The following RHBDL2 variants were observed in gnomAD, a reference collection of about 807,000 sequenced individuals.
RHBDL2 encodes rhomboid-related protein 2.
In RHBDL2, 26 loss-of-function variants were observed where a neutral mutation model predicts 31.7. The ratio of observed to expected loss-of-function variants is 0.82; its 90% confidence interval spans 0.60 to 1.14. The LOEUF is 1.14. Ranked by LOEUF, RHBDL2 falls within the 50% of genes most tolerant of loss-of-function variation. The probability of loss-of-function intolerance (pLI) is 0.00; values close to 1 mark genes in which losing one functional copy is unlikely to be tolerated. For missense variants in RHBDL2, 336 were observed against 364.4 expected (o/e 0.92, Z 0.63); for synonymous variants, 123 against 127.2 (o/e 0.97, Z 0.22).
At chr1:38,935,650 T>C (rs1019479151) in intron 1 of RHBDL2, among the ~76,000 whole-genome samples, 2 of 152,210 alleles carry the variant, frequency 1.3e-5, no homozygotes, top group Admixed American at 1.3e-4. Flanking sequence ...TCTCACTCTG[T>C]TACCCAGGCT....
chr1:38,936,190 A>G (rs1443303363), intron 1 of RHBDL2, among the ~76,000 whole-genome samples: 1 of 152,192 alleles, frequency 6.6e-6, no homozygotes, highest in African/African-American at 2.4e-5. Flanking sequence ...GGAATGAGCC[A>G]CTGTGCCCAG....
At chr1:38,930,839 G>A (rs1433075755) in intron 1 of RHBDL2, among the ~76,000 whole-genome samples, 3 of 152,176 alleles carry the variant, frequency 2.0e-5, no homozygotes, top group Non-Finnish European at 4.4e-5. Context: ...GCTTCGTGTA[G>A]AATTTTTTTT....
chr1:38,910,753 C>CTTTTTTT (rs765064879), intron 4 of RHBDL2, among the ~76,000 whole-genome samples: 288 of 110,730 alleles, frequency 2.6e-3, no homozygotes, highest in African/African-American at 6.1e-3. Flanking sequence ...TATTCCTTTT[C>CTTTTTTT]TTTTTTTTTT....
intron 1 of RHBDL2, among the ~76,000 whole-genome samples, chr1:38,924,517 C>T (rs1488383732): frequency 6.6e-6 from 1 of 151,950 alleles, no homozygotes; most frequent in Non-Finnish European, 1.5e-5. Flanking sequence ...TAGCATGAAC[C>T]CAGGAGGCGG....
At chr1:38,937,352 A>T (rs1434614054) in intron 1 of RHBDL2, among the ~76,000 whole-genome samples, 1 of 152,170 alleles carries the variant, frequency 6.6e-6, no homozygotes, top group Non-Finnish European at 1.5e-5. Flanking sequence ...ATCTCTCAGG[A>T]ACACAGCATT....
At chr1:38,917,066 G>A (rs1187481811) in intron 2 of RHBDL2, among the ~76,000 whole-genome samples, 1 of 136,084 alleles carries the variant, frequency 7.3e-6, no homozygotes, top group Non-Finnish European at 1.5e-5. Context: ...AGCCCAGGCT[G>A]GAGTGCAGTG....
chr1:38,902,330 C>T (rs1168511408), intron 4 of RHBDL2, among the ~76,000 whole-genome samples: 2 of 149,662 alleles, frequency 1.3e-5, no homozygotes, highest in South Asian at 2.1e-4. Context: ...CTCAGCCTCC[C>T]GAATAGCTGG....
intron 1 of RHBDL2, chr1:38,929,371 G>A (rs1247172185): frequency 2.3e-6 from 3 of 1,282,100 alleles, no homozygotes; most frequent in African/African-American, 1.5e-5. Context: ...TCTTTGAGAA[G>A]CCAGAGGACT....
At chr1:38,905,325 A>G (rs1374060664) in intron 4 of RHBDL2, among the ~76,000 whole-genome samples, 5 of 152,108 alleles carry the variant, frequency 3.3e-5, no homozygotes, top group African/African-American at 1.2e-4. Flanking sequence ...TTGGCCTCCC[A>G]TAGTGCTGGG....
intron 1 of RHBDL2, among the ~76,000 whole-genome samples, chr1:38,933,923 T>C (rs1643464537): frequency 6.6e-6 from 1 of 152,068 alleles, no homozygotes; most frequent in Non-Finnish European, 1.5e-5. Flanking sequence ...GAGATGGGCT[T>C]TCACTTGTAG....
chr1:38,912,341 T>C (rs917802403), intron 3 of RHBDL2, among the ~76,000 whole-genome samples: 2 of 151,554 alleles, frequency 1.3e-5, no homozygotes, highest in Non-Finnish European at 2.9e-5. Context: ...CCTGACCTCA[T>C]TGATCCACCC....
intron 1 of RHBDL2, among the ~76,000 whole-genome samples, chr1:38,920,631 G>T (rs1570935440): frequency 7.7e-6 from 1 of 129,408 alleles, no homozygotes; most frequent in African/African-American, 2.9e-5. Flanking sequence ...TTTTGAGACA[G>T]AGTCTCGCTC....
At chr1:38,915,422 G>C (rs1269858664) in intron 3 of RHBDL2, 140 bp downstream of exon 3, 2 of 778,012 alleles carry the variant, frequency 2.6e-6, no homozygotes, top group Admixed American at 2.7e-5. Context: ...AAAACAGTGG[G>C]AGCAATACCT....
intron 1 of RHBDL2, among the ~76,000 whole-genome samples, chr1:38,940,561 C>T (rs951902864): frequency 3.9e-5 from 6 of 152,142 alleles, no homozygotes; most frequent in African/African-American, 4.8e-5. Flanking sequence ...TGCCTACGTG[C>T]TTTCAAGGCC....
chr1:38,887,852 T>G, intron 7 of RHBDL2, 111 bp downstream of exon 7: 2 of 738,780 alleles, frequency 2.7e-6, no homozygotes, highest in Non-Finnish European at 4.5e-6. Flanking sequence ...TTTTCTTAAC[T>G]TCCAAATGGA....
At chr1:38,929,568 T>C in intron 1 of RHBDL2, 3 of 1,288,504 alleles carry the variant, frequency 2.3e-6, no homozygotes, top group Non-Finnish European at 3.0e-6. Flanking sequence ...GCCCCACCCA[T>C]TCATTGGTAC....
At chr1:38,920,352 G>T (rs1282872765) in intron 1 of RHBDL2, among the ~76,000 whole-genome samples, 2 of 151,596 alleles carry the variant, frequency 1.3e-5, no homozygotes, top group Admixed American at 6.6e-5. Flanking sequence ...ATTTTTAGTA[G>T]AGACAGGGTT....
chr1:38,934,549 C>T (rs149813835), intron 1 of RHBDL2, among the ~76,000 whole-genome samples: 1,994 of 143,354 alleles, frequency 0.014, 26 homozygotes, highest in Middle Eastern at 0.079. Context: ...CCCAGCTACT[C>T]GGAGGTGGAG....
intron 4 of RHBDL2, among the ~76,000 whole-genome samples, chr1:38,905,114 A>G (rs1643046552): frequency 7.0e-6 from 1 of 143,828 alleles, no homozygotes; most frequent in African/African-American, 2.6e-5. Context: ...GAATAAGGCC[A>G]GGCACGGTGG....
Sources: gnomAD v4.1 joint callset for allele counts (sites outside exome capture counted in the v4.1 genomes callset) on GRCh38, gnomAD v4.1.1 for gene constraint, MANE v1.5 for transcripts, NCBI Gene and HGNC (gene_info 2026-07-23, HGNC 2026-07-21) for gene names.